ATP8A2: variants seen among roughly 807,000 people sequenced by gnomAD.
The protein encoded by ATP8A2 is ATPase phospholipid transporting 8A2.
A neutral mutation model predicts 165.6 loss-of-function variants in ATP8A2; 100 were observed. The observed-to-expected ratio is 0.60, with a 90% CI of 0.51 to 0.71. The LOEUF is 0.71. ATP8A2 is among the 30% of genes least tolerant of loss of function. The pLI is 0.00. For missense variants in ATP8A2, 1,227 were observed against 1,479.5 expected, an observed-to-expected ratio of 0.83 and a Z score of 2.80; for synonymous variants, 543 against 548.8, an observed-to-expected ratio of 0.99 and a Z score of 0.15.
At chr13:25,869,808 T>A (rs568591991) in intron 33 of ATP8A2, among the ~76,000 whole-genome samples, 2 of 152,166 alleles carry the variant, frequency 1.3e-5, no homozygotes, top group South Asian at 4.1e-4. Flanking sequence ...CCCACGGTAG[T>A]GTCTAGGGGT....
At chr13:25,502,499 A>G (rs74042969) in intron 2 of ATP8A2, among the ~76,000 whole-genome samples, 4,105 of 152,306 alleles carry the variant, frequency 0.027, 191 homozygotes, top group African/African-American at 0.093. Flanking sequence ...CTAGAACCCA[A>G]TGAAAGTGAT....
intron 2 of ATP8A2, among the ~76,000 whole-genome samples, chr13:25,519,754 G>A (rs897341698): frequency 5.9e-5 from 9 of 152,066 alleles, no homozygotes; most frequent in East Asian, 5.8e-4. Context: ...CATGCATTTC[G>A]TCACACGAGT....
At chr13:25,958,770 G>T (rs1268852342) in intron 33 of ATP8A2, among the ~76,000 whole-genome samples, 3 of 152,130 alleles carry the variant, frequency 2.0e-5, no homozygotes, top group Non-Finnish European at 4.4e-5. Context: ...TTGAAGACCA[G>T]CAACAGAACA....
At chr13:25,416,279 G>A (rs1214212434) in intron 1 of ATP8A2, among the ~76,000 whole-genome samples, 1 of 152,082 alleles carries the variant, frequency 6.6e-6, no homozygotes, top group Non-Finnish European at 1.5e-5. Context: ...TGAATTACTG[G>A]GATTATCTGA....
chr13:25,840,546 C>A (rs1252016046), intron 30 of ATP8A2, among the ~76,000 whole-genome samples: 1 of 152,134 alleles, frequency 6.6e-6, no homozygotes, highest in African/African-American at 2.4e-5. Context: ...ACTCCTTTTC[C>A]TTCGAGGGTT....
intron 33 of ATP8A2, among the ~76,000 whole-genome samples, chr13:25,906,074 A>G (rs1953927436): frequency 6.6e-6 from 1 of 152,072 alleles, no homozygotes; most frequent in South Asian, 2.1e-4. Flanking sequence ...TAAACTTTAC[A>G]TGTCTAAAAC....
At chr13:25,877,457 C>T (rs1341015462) in intron 33 of ATP8A2, among the ~76,000 whole-genome samples, 2 of 152,158 alleles carry the variant, frequency 1.3e-5, no homozygotes, top group East Asian at 3.8e-4. Context: ...TTTGTGACTT[C>T]TCCATGTTGT....
intron 22 of ATP8A2, among the ~76,000 whole-genome samples, chr13:25,580,252 G>C (rs189439560): frequency 6.6e-6 from 1 of 152,312 alleles, no homozygotes; most frequent in African/African-American, 2.4e-5. Flanking sequence ...TCACGCTGTT[G>C]AGTTACAGGA....
At chr13:25,529,149 T>C (rs2037947972) in intron 2 of ATP8A2, among the ~76,000 whole-genome samples, 1 of 152,146 alleles carries the variant, frequency 6.6e-6, no homozygotes, top group Non-Finnish European at 1.5e-5. Context: ...TAGAATATAT[T>C]ATAATTAAGA....
intron 24 of ATP8A2, among the ~76,000 whole-genome samples, chr13:25,665,613 C>T (rs2042137544): frequency 7.7e-6 from 1 of 129,360 alleles, no homozygotes; most frequent in Non-Finnish European, 1.5e-5. Context: ...GTAAGAGCCT[C>T]ATCCAAATAA....
chr13:25,490,921 T>A (rs2036511443), intron 2 of ATP8A2, among the ~76,000 whole-genome samples: 1 of 151,772 alleles, frequency 6.6e-6, no homozygotes. Flanking sequence ...AAAGAAAAAA[T>A]TTAGAGGGTC....
At chr13:25,383,955 C>T (rs2032946589) in intron 1 of ATP8A2, among the ~76,000 whole-genome samples, 2 of 152,128 alleles carry the variant, frequency 1.3e-5, no homozygotes, top group South Asian at 4.1e-4. Flanking sequence ...AGCTGTGCTT[C>T]CTTGGGTTTT....
At chr13:25,591,483 A>G in intron 24 of ATP8A2, 1 of 395,356 alleles carries the variant, frequency 2.5e-6, no homozygotes, top group East Asian at 7.2e-5. Context: ...CATGTGTCAG[A>G]ATTTCGCTCC....
intron 16 of ATP8A2, among the ~76,000 whole-genome samples, chr13:25,569,592 A>G (rs7139461): frequency 0.68 from 103,632 of 152,042 alleles, 36,410 homozygotes; most frequent in Middle Eastern, 0.73. Context: ...TGTAATTCTG[A>G]AAGTGCTAGC....
At chr13:25,486,263 G>T (rs983245470) in intron 2 of ATP8A2, among the ~76,000 whole-genome samples, 1 of 152,234 alleles carries the variant, frequency 6.6e-6, no homozygotes, top group South Asian at 2.1e-4. Flanking sequence ...TTCAGTGCTG[G>T]TGTTTGCCAT....
chr13:25,758,003 A>G (rs1016236013), intron 25 of ATP8A2, among the ~76,000 whole-genome samples: 2 of 152,212 alleles, frequency 1.3e-5, no homozygotes, highest in Admixed American at 6.5e-5. Context: ...CCACAATGCC[A>G]TACTTGATGT....
intron 33 of ATP8A2, among the ~76,000 whole-genome samples, chr13:25,934,798 C>T (rs1320945739): frequency 6.6e-6 from 1 of 152,058 alleles, no homozygotes; most frequent in Non-Finnish European, 1.5e-5. Context: ...AGGGGCACTG[C>T]CAGCTGAGTG....
chr13:25,843,704 C>T (rs1951796684), intron 30 of ATP8A2, among the ~76,000 whole-genome samples: 1 of 152,140 alleles, frequency 6.6e-6, no homozygotes, highest in African/African-American at 2.4e-5. Flanking sequence ...TTGTTATAGT[C>T]AGCCGAAAGA....
At position 25,865,324 on chromosome 13, in the gene ATP8A2, A is replaced by G. The variant is rs550423470; in HGVS notation, c.3183+2916A>G. 5.9e-5 allele frequency among the ~76,000 whole-genome samples: 9 copies of G among 152,292 alleles called. No homozygotes were observed. In the East Asian group the frequency reaches 1.5e-3, roughly 26 times the overall value. On this transcript the variant is annotated intron_variant, in intron 33 of 36. Transcript: ENST00000381655. ...GTGATTTTTATAAACCACTTTTTGT[A>G]GTTCACTAAACAGTAGGTTTTTGGC...
Sources: gnomAD v4.1 joint callset for allele counts (sites outside exome capture counted in the v4.1 genomes callset) on GRCh38, gnomAD v4.1.1 for gene constraint, MANE v1.5 for transcripts, NCBI Gene and HGNC (gene_info 2026-07-23, HGNC 2026-07-21) for gene names.